The following GPC5 variants were observed in gnomAD, a reference collection of about 807,000 sequenced individuals.
GPC5 encodes the protein glypican-5.
Under a neutral mutation model 53.9 loss-of-function variants are expected in GPC5, and 47 were observed. That is an observed-to-expected ratio of 0.87 (90% CI 0.69 to 1.11). GPC5 has a LOEUF of 1.11. Among genes scored for constraint, GPC5 ranks in the 50% most tolerant of loss-of-function variants. The pLI is 0.00. For synonymous variants in GPC5, 286 were observed against 263.3 expected, an observed-to-expected ratio of 1.09 and a Z score of -0.84; for missense variants, 748 against 713.1, an observed-to-expected ratio of 1.05 and a Z score of -0.56.
chr13:91,576,849 G>T (rs2032156572), intron 2 of GPC5, among the ~76,000 whole-genome samples: 1 of 152,062 alleles, frequency 6.6e-6, no homozygotes, highest in African/African-American at 2.4e-5. Context: ...AGTTCTGTAT[G>T]CTGAATTCAC....
At chr13:92,485,905 G>A (rs1275042543) in intron 7 of GPC5, among the ~76,000 whole-genome samples, 1 of 152,196 alleles carries the variant, frequency 6.6e-6, no homozygotes, top group African/African-American at 2.4e-5. Flanking sequence ...GGCAGAGGTT[G>A]CAGTGAGCTG....
chr13:91,773,780 T>G (rs940398945), intron 5 of GPC5, among the ~76,000 whole-genome samples: 123 of 152,300 alleles, frequency 8.1e-4, no homozygotes, highest in African/African-American at 2.9e-3. Context: ...TCAGCTTCTC[T>G]TTGGGACTCC....
intron 1 of GPC5, among the ~76,000 whole-genome samples, 199 bp downstream of exon 1, chr13:91,399,408 C>A (rs1876751897): frequency 6.6e-6 from 1 of 152,170 alleles, no homozygotes; most frequent in Non-Finnish European, 1.5e-5. Flanking sequence ...GACCCCTAAC[C>A]AAGCCTGCGA....
chr13:92,076,293 G>C (rs1331624747), intron 6 of GPC5, among the ~76,000 whole-genome samples: 1 of 151,988 alleles, frequency 6.6e-6, no homozygotes, highest in Non-Finnish European at 1.5e-5. Context: ...TGTTAGCCAG[G>C]ATGGTCTCGA....
chr13:91,590,627 A>G (rs1351438444), intron 2 of GPC5, among the ~76,000 whole-genome samples: 1 of 152,140 alleles, frequency 6.6e-6, no homozygotes, highest in Non-Finnish European at 1.5e-5. Flanking sequence ...TACAAAAATA[A>G]TCTTGTTTGC....
chr13:91,733,167 C>T (rs1378628082), intron 4 of GPC5, among the ~76,000 whole-genome samples: 1 of 152,092 alleles, frequency 6.6e-6, no homozygotes, highest in Non-Finnish European at 1.5e-5. Context: ...GAGACAGTCT[C>T]ATTCTGTCGC....
chr13:92,438,383 A>AATATATATATATAT (rs66984887), intron 7 of GPC5, among the ~76,000 whole-genome samples: 2 of 123,738 alleles, frequency 1.6e-5, no homozygotes, highest in Admixed American at 8.6e-5. Flanking sequence ...AAGCAAAATA[A>AATATATATATATAT]ATATATATAT....
intron 1 of GPC5, among the ~76,000 whole-genome samples, chr13:91,446,876 G>A (rs1175778156): frequency 2.6e-5 from 4 of 152,200 alleles, no homozygotes; most frequent in Non-Finnish European, 5.9e-5. Flanking sequence ...AATCTTTGAG[G>A]GTTTGCTGCA....
intron 7 of GPC5, among the ~76,000 whole-genome samples, chr13:92,461,393 A>G (rs1164703022): frequency 6.6e-6 from 1 of 152,188 alleles, no homozygotes; most frequent in Non-Finnish European, 1.5e-5. Flanking sequence ...CACACAAAAT[A>G]CTTAACCTAT....
chr13:92,826,573 A>G (rs781113642), intron 7 of GPC5, among the ~76,000 whole-genome samples: 4 of 152,148 alleles, frequency 2.6e-5, no homozygotes, highest in Non-Finnish European at 5.9e-5. Flanking sequence ...GTTCCATGAC[A>G]ATAGAAAATT....
rs150157753 is a variant in GPC5 at position 91,950,196 on chromosome 13, T to C, written c.1401+42139T>C. Among the ~76,000 whole-genome samples the C allele has an allele frequency of 2.6e-4, 39 of 152,052 alleles. No homozygotes were observed. The East Asian group carries it at 7.5e-3, about 29-fold the overall frequency. ...CTTTTATGATTTGCCACCACACCAT[T>C]CATGCTCTAACCTTATTTCTCCTCA... On this transcript the variant is annotated intron_variant, in intron 6 of 7. Transcript: ENST00000377067.
At chr13:92,297,978 A>C (rs1247629608) in intron 7 of GPC5, among the ~76,000 whole-genome samples, 1 of 151,856 alleles carries the variant, frequency 6.6e-6, no homozygotes, top group Non-Finnish European at 1.5e-5. Context: ...GAGCTGTAAC[A>C]CTCACCACGA....
At chr13:92,295,022 G>T (rs527418453) in intron 7 of GPC5, among the ~76,000 whole-genome samples, 3 of 151,880 alleles carry the variant, frequency 2.0e-5, no homozygotes, top group African/African-American at 7.2e-5. Context: ...TAGAGATGAG[G>T]TTTCACCATG....
At chr13:91,432,207 GTGTGTGTGTGTGTGTGTGTGTGTGT>G (rs1879524138) in intron 1 of GPC5, among the ~76,000 whole-genome samples, 1 of 121,546 alleles carries the variant, frequency 8.2e-6, no homozygotes, top group South Asian at 2.7e-4. Context: ...CTGCTGCTGT[GTGTGTGTGTGTGTGTGTGTGTGTGT>G]GTGTGTGTGT....
chr13:92,815,357 G>A (rs1438900162), intron 7 of GPC5, among the ~76,000 whole-genome samples: 1 of 151,926 alleles, frequency 6.6e-6, no homozygotes, highest in Non-Finnish European at 1.5e-5. Flanking sequence ...AGACATAGAG[G>A]AGAGCCTGCC....
At chr13:92,235,411 AGTT>A (rs1404808313) in intron 7 of GPC5, among the ~76,000 whole-genome samples, 5 of 152,068 alleles carry the variant, frequency 3.3e-5, no homozygotes, top group Admixed American at 6.6e-5. Flanking sequence ...ATTTTGTTTA[AGTT>A]GTTGTTCATG....
intron 5 of GPC5, among the ~76,000 whole-genome samples, chr13:91,886,697 T>C (rs147385767): frequency 0.019 from 2,874 of 152,336 alleles, 43 homozygotes; most frequent in Middle Eastern, 0.044. Flanking sequence ...ACAGGCTCCA[T>C]GCAAGTCTGA....
intron 7 of GPC5, among the ~76,000 whole-genome samples, chr13:92,475,931 A>G (rs1013105486): frequency 6.6e-6 from 1 of 152,140 alleles, no homozygotes; most frequent in Non-Finnish European, 1.5e-5. Flanking sequence ...ACCTAAAACC[A>G]TAAAAAGCCT....
chr13:92,769,138 T>G (rs1189245477), intron 7 of GPC5, among the ~76,000 whole-genome samples: 1 of 152,064 alleles, frequency 6.6e-6, no homozygotes, highest in Admixed American at 6.6e-5. Flanking sequence ...TGAAAATAAA[T>G]CCCCACCCAC....
Sources: gnomAD v4.1 joint callset for allele counts (sites outside exome capture counted in the v4.1 genomes callset) on GRCh38, gnomAD v4.1.1 for gene constraint, MANE v1.5 for transcripts, NCBI Gene and HGNC (gene_info 2026-07-23, HGNC 2026-07-21) for gene names.